Variants in IQCM observed in about 807,000 individuals in gnomAD.
IQCM encodes IQ domain-containing protein M.
Under a neutral mutation model 57.6 loss-of-function variants are expected in IQCM, and 45 were observed. That is an observed-to-expected ratio of 0.78 (90% CI 0.62 to 1.00). The LOEUF (loss-of-function observed/expected upper bound fraction) is 1.00. Among genes scored for constraint, IQCM ranks in the 50% least tolerant of loss-of-function variants. The pLI is 0.00. For synonymous variants in IQCM, 148 were observed against 158.9 expected (o/e 0.93, Z 0.51); for missense variants, 468 against 511.6 (o/e 0.91, Z 0.82).
At chr4:149,543,880 G>C (rs956119242) in intron 12 of IQCM, among the ~76,000 whole-genome samples, 2 of 152,116 alleles carry the variant, frequency 1.3e-5, no homozygotes, top group African/African-American at 2.4e-5. Flanking sequence ...GAAGCACAAA[G>C]TGATGTAGAT....
chr4:149,763,776 A>T (rs574800986), intron 2 of IQCM, among the ~76,000 whole-genome samples: 2 of 152,028 alleles, frequency 1.3e-5, no homozygotes, highest in African/African-American at 4.8e-5. Flanking sequence ...ATCTTTGGGC[A>T]TGCTGCTTTT....
At chr4:149,380,059 A>G (rs1045488431) in intron 13 of IQCM, among the ~76,000 whole-genome samples, 1 of 151,976 alleles carries the variant, frequency 6.6e-6, no homozygotes, top group Non-Finnish European at 1.5e-5. Context: ...TGTGCCTTTC[A>G]TCTCCCACCA....
intron 13 of IQCM, among the ~76,000 whole-genome samples, chr4:149,426,512 T>C (rs1734470620): frequency 6.6e-6 from 1 of 151,988 alleles, no homozygotes; most frequent in African/African-American, 2.4e-5. Context: ...GAGTTAGGAA[T>C]CTGGGTAGCT....
rs550036960 is a variant in IQCM at position 149,420,164 on chromosome 4, A to T, written c.1390+13232T>A. ...TGAGTATATACCCAAAGGAATATAA[A>T]TCATTCTATTATAAAGACACATGCA... On this transcript the variant is annotated intron_variant, in intron 13 of 13. Coordinates refer to ENST00000636793, the MANE Select transcript of IQCM (RefSeq NM_001363507.2). Among the ~76,000 whole-genome samples the T allele has an allele frequency of 4.9e-4, 74 of 152,262 alleles. 1 individual carries two copies. The South Asian group carries it at 0.015, about 31-fold the overall frequency.
chr4:149,731,162 C>T (rs1291340666), intron 5 of IQCM, among the ~76,000 whole-genome samples: 1 of 152,114 alleles, frequency 6.6e-6, no homozygotes, highest in Non-Finnish European at 1.5e-5. Flanking sequence ...ATGTTGGAAC[C>T]TAAGATCCAA....
At chr4:149,793,293 C>T (rs1275176962) in intron 2 of IQCM, among the ~76,000 whole-genome samples, 1 of 152,090 alleles carries the variant, frequency 6.6e-6, no homozygotes, top group Non-Finnish European at 1.5e-5. Context: ...CCTCAAAATT[C>T]CTTCCATGCC....
At chr4:149,672,288 G>A (rs1299618964) in intron 7 of IQCM, among the ~76,000 whole-genome samples, 1 of 152,196 alleles carries the variant, frequency 6.6e-6, no homozygotes, top group African/African-American at 2.4e-5. Flanking sequence ...GACAGGTTGT[G>A]AGAAGAAGGC....
intron 13 of IQCM, among the ~76,000 whole-genome samples, chr4:149,384,656 G>A (rs1731293639): frequency 6.6e-6 from 1 of 151,860 alleles, no homozygotes; most frequent in African/African-American, 2.4e-5. Flanking sequence ...TACCTCTTAG[G>A]GATTTTAACC....
chr4:149,768,214 T>C (rs901914148), intron 2 of IQCM, among the ~76,000 whole-genome samples: 3 of 152,282 alleles, frequency 2.0e-5, no homozygotes, highest in Middle Eastern at 3.4e-3. Context: ...TTAGTAATCA[T>C]GCCTTCAGCA....
At chr4:149,769,659 C>T (rs903703762) in intron 2 of IQCM, among the ~76,000 whole-genome samples, 6 of 151,374 alleles carry the variant, frequency 4.0e-5, no homozygotes, top group East Asian at 1.9e-4. Flanking sequence ...AAGTATATTT[C>T]GAGCAAAGAA....
At chr4:149,650,082 A>G (rs1001786757) in intron 7 of IQCM, among the ~76,000 whole-genome samples, 35 of 152,142 alleles carry the variant, frequency 2.3e-4, no homozygotes, top group Non-Finnish European at 1.5e-5. Flanking sequence ...ATGTTGCCCA[A>G]AAAGATATGT....
chr4:149,372,968 G>A (rs1003096728), intron 13 of IQCM, among the ~76,000 whole-genome samples: 9 of 152,060 alleles, frequency 5.9e-5, no homozygotes, highest in African/African-American at 2.2e-4. Flanking sequence ...GGTTTATCAC[G>A]AAATCTGTGT....
intron 12 of IQCM, among the ~76,000 whole-genome samples, chr4:149,451,546 G>T (rs1233420053): frequency 6.6e-6 from 1 of 151,558 alleles, no homozygotes; most frequent in Non-Finnish European, 1.5e-5. Flanking sequence ...AGAGATTCTG[G>T]TTTAACAATC....
intron 13 of IQCM, among the ~76,000 whole-genome samples, chr4:149,417,505 C>G (rs972458815): frequency 1.3e-5 from 2 of 152,132 alleles, no homozygotes; most frequent in Non-Finnish European, 2.9e-5. Context: ...TGGGTGTCAC[C>G]TTATTCTGTT....
At chr4:149,432,601 A>C (rs1442746372) in intron 13 of IQCM, among the ~76,000 whole-genome samples, 2 of 152,012 alleles carry the variant, frequency 1.3e-5, no homozygotes, top group African/African-American at 4.8e-5. Flanking sequence ...ATATGGCAGC[A>C]AAAGCATGCA....
At chr4:149,577,946 G>A (rs770290305) in intron 9 of IQCM, among the ~76,000 whole-genome samples, 4 of 151,720 alleles carry the variant, frequency 2.6e-5, no homozygotes, top group African/African-American at 4.8e-5. Flanking sequence ...CACCTCCCTG[G>A]TTAGGTGTAT....
At chr4:149,683,172 C>G (rs1222098644) in intron 6 of IQCM, among the ~76,000 whole-genome samples, 1 of 151,056 alleles carries the variant, frequency 6.6e-6, no homozygotes, top group East Asian at 1.9e-4. Context: ...ATACTGATCG[C>G]TTATTTACCA....
chr4:149,646,937 T>C (rs1490850695), intron 7 of IQCM, among the ~76,000 whole-genome samples: 1 of 152,184 alleles, frequency 6.6e-6, no homozygotes, highest in Admixed American at 6.5e-5. Flanking sequence ...TGAGCTGGGA[T>C]AGCACAACTG....
chr4:149,390,832 A>AT (rs1229549822), intron 13 of IQCM, among the ~76,000 whole-genome samples: 1 of 150,080 alleles, frequency 6.7e-6, no homozygotes, highest in East Asian at 2.0e-4. Context: ...TTTGTTGAGG[A>AT]TTTTTTGCTT....
Sources: allele counts gnomAD v4.1 joint callset (sites outside exome capture counted in the v4.1 genomes callset), GRCh38; gene constraint gnomAD v4.1.1; transcripts MANE v1.5; gene names NCBI Gene and HGNC (gene_info 2026-07-23, HGNC 2026-07-21).